SLC35E4: variants seen among roughly 807,000 people sequenced by gnomAD.
The protein encoded by SLC35E4 is solute carrier family 35 member E4.
SLC35E4 carries 15 observed loss-of-function variants against 19.3 expected under a neutral mutation model. The ratio of observed to expected loss-of-function variants is 0.78; its 90% CI spans 0.52 to 1.20. The LOEUF is 1.20. Ranked by LOEUF, SLC35E4 falls within the 50% of genes most tolerant of loss-of-function variation. The pLI is 0.00. For missense variants in SLC35E4, 406 were observed against 472.3 expected, an observed-to-expected ratio of 0.86 and a Z score of 1.30; for synonymous variants, 219 against 219.9, an observed-to-expected ratio of 1.00 and a Z score of 0.04.
At position 30,636,867 on chromosome 22, in the gene SLC35E4, T is replaced by A; in HGVS notation, c.417T>A (p.Val139=). 1 of 1,612,996 alleles carries A rather than the reference T, an allele frequency of 6.2e-7. No homozygotes were observed. Among genetic ancestry groups the A allele is most frequent in the Non-Finnish European group, 8.5e-7 (1 of 1,179,618 alleles). The change falls in exon 1 of 2, where the codon GTT becomes GTA. Residue 139 remains valine, a synonymous_variant. Transcript: ENST00000343605. The part of the protein sequence containing the change: ...RAVPLDLAQL[V]TTTTPLFTLA... ...TGCCCCTGGACCTGGCACAACTGGT[T>A]ACTACCACCACACCTCTGTTCACCC...
At position 30,646,973 on chromosome 22, in the gene SLC35E4, C is replaced by G. The variant is rs1382939300; in HGVS notation, c.995C>G (p.Ala332Gly). The G allele has an allele frequency of 5.0e-6, 8 of 1,613,708 alleles. No individual in the cohort carries two copies. Among genetic ancestry groups the G allele is most frequent in the Non-Finnish European group, 5.1e-6 (6 of 1,179,940 alleles). The change falls in exon 2 of 2, where the codon GCC becomes GGC. Residue 332 changes from alanine (A) to glycine (G), a missense_variant. Physicochemically the swap from Ala to Gly is moderately conservative, Grantham distance 60. Transcript: ENST00000343605. ...CTTTACCACAACTGCGAGTTCGTGG[C>G]CTCCTGGGCTGCCCGTCGGGGGCTG... Reference protein sequence around the residue: ...MFLYHNCEFVASWAARRGLWR... With the variant: ...MFLYHNCEFVGSWAARRGLWR...
At chr22:30,654,237 G>GCCTCCC in intron 2 of SLC35E4, 1 of 365,924 alleles carries the variant, frequency 2.7e-6, no homozygotes, top group Non-Finnish European at 5.4e-6. Flanking sequence ...GCCCGCCTCC[G>GCCTCCC]CCTCCCAAAG....
chr22:30,664,047 C>CAGCCTTCG, downstream of SLC35E4: 1 of 1,528,710 alleles, frequency 6.5e-7, no homozygotes, highest in Non-Finnish European at 8.9e-7. Flanking sequence ...AGCACGAAGG[C>CAGCCTTCG]TGCGTCTTTC....
downstream of SLC35E4, among the ~76,000 whole-genome samples, chr22:30,665,303 G>A (rs2088608746): frequency 6.6e-6 from 1 of 152,218 alleles, no homozygotes; most frequent in African/African-American, 2.4e-5. Context: ...GAGCCACTTA[G>A]TTTGGCTGTC....
intron 1 of SLC35E4, among the ~76,000 whole-genome samples, chr22:30,641,358 G>C (rs1242198147): frequency 6.6e-6 from 1 of 152,126 alleles, no homozygotes; most frequent in African/African-American, 2.4e-5. Context: ...GGGAGGTTGA[G>C]TCCTTGCTCT....
intron 1 of SLC35E4, among the ~76,000 whole-genome samples, chr22:30,637,867 A>G (rs995089298): frequency 3.3e-5 from 5 of 152,218 alleles, no homozygotes; most frequent in Non-Finnish European, 7.3e-5. Flanking sequence ...AAAGCCAGAA[A>G]GCATGGGCCA....
At chr22:30,649,072 G>C (rs925689666), downstream of SLC35E4, 5 of 672,776 alleles carry the variant, frequency 7.4e-6, no homozygotes, top group Non-Finnish European at 1.4e-5. Flanking sequence ...GAGATCACCT[G>C]TTAAAGATGA....
intron 2 of SLC35E4, chr22:30,661,444 C>CTTTTTTTTTTTTTT (rs56242112): frequency 4.4e-5 from 6 of 136,476 alleles, no homozygotes; most frequent in Non-Finnish European, 6.2e-5. Context: ...TTTTCTTTTT[C>CTTTTTTTTTTTTTT]TTTTTTTTTT....
chr22:30,665,419 G>A, downstream of SLC35E4: 1 of 424,372 alleles, frequency 2.4e-6, no homozygotes. Context: ...GTTCCTTAGG[G>A]ACAACCTGTC....
At chr22:30,637,639 C>A (rs2087972853) in intron 1 of SLC35E4, among the ~76,000 whole-genome samples, 1 of 152,158 alleles carries the variant, frequency 6.6e-6, no homozygotes, top group African/African-American at 2.4e-5. Context: ...ATCTTCCCCC[C>A]TCAGCTTCCT....
Position 30,636,742 on chromosome 22 carries a change from G to T in SLC35E4, c.292G>T (p.Ala98Ser), listed in dbSNP as rs761984302. 13 of 1,611,962 alleles carry T rather than the reference G, an allele frequency of 8.1e-6. No individual in the cohort carries two copies. The highest frequency in any genetic ancestry group is 1.1e-5 in the Non-Finnish European group (13 of 1,179,396). Residue 98 changes from alanine to serine, a missense_variant, in exon 1 of 2, where the codon GCA becomes TCA. Transcript: ENST00000343605. The part of the protein sequence containing the change: ...LVAALACHRG[A>S]RRPMPGGTRC... ...GGCAGCCCTGGCATGCCACCGGGGGGCACGGCGCCCCATGCCAGGCGGCAC... is the reference window on the plus strand; with the variant it reads ...GGCAGCCCTGGCATGCCACCGGGGGTCACGGCGCCCCATGCCAGGCGGCAC...
chr22:30,666,527 C>T (rs9621062), downstream of SLC35E4, among the ~76,000 whole-genome samples: 11,051 of 143,124 alleles, frequency 0.077, 823 homozygotes, highest in African/African-American at 0.2. Context: ...GAGGCTGAGA[C>T]GGGAGAATTG....
chr22:30,668,498 C>T (rs1277855394), exon 3 of SLC35E4: 1 of 152,672 alleles, frequency 6.5e-6, no homozygotes. Flanking sequence ...GGAACTCCCT[C>T]GCCTGGACTC....
chr22:30,647,026 C>A lies in SLC35E4; in HGVS notation c.1048C>A (p.Leu350Ile), dbSNP rs536993715. Reference protein sequence around the residue: ...LWRRDQPSKGL With the variant: ...LWRRDQPSKGI ...GCGGAGGGACCAGCCCAGCAAGGGTCTTTGAGACCTGGGGGATCTCAGGAG... is the reference window on the plus strand; with the variant it reads ...GCGGAGGGACCAGCCCAGCAAGGGTATTTGAGACCTGGGGGATCTCAGGAG... The change falls in exon 2 of 2, where the codon CTT becomes ATT. Residue 350 changes from leucine to isoleucine, a missense_variant. Physicochemically the swap from Leu to Ile is conservative, Grantham distance 5. Coordinates refer to ENST00000343605, the MANE Select transcript of SLC35E4 (RefSeq NM_001001479.4). The A allele has an allele frequency of 1.0e-4, 167 of 1,595,196 alleles. 2 individuals carry two copies. The South Asian group carries it at 1.8e-3, about 17-fold the overall frequency.
intron 1 of SLC35E4, 53 bp downstream of exon 1, chr22:30,637,122 C>T: frequency 6.6e-7 from 1 of 1,518,616 alleles, no homozygotes; most frequent in South Asian, 1.3e-5. Flanking sequence ...GGGTGCATGG[C>T]CTGGATGGCC....
chr22:30,647,151 A>G lies in SLC35E4; in HGVS notation c.*120A>G, dbSNP rs1936380092. The G allele has an allele frequency of 8.0e-7, 1 of 1,246,176 alleles. No individual in the cohort carries two copies. Among genetic ancestry groups the G allele is most frequent in the South Asian group, 1.6e-5 (1 of 63,978 alleles). 77.2% of individuals were successfully genotyped at this position (1,246,176 alleles called of 1,614,324 possible). A position where few individuals can be genotyped will look rare whatever the true frequency, so the allele number is the denominator to read the frequency against. On this transcript the variant is annotated 3_prime_UTR_variant, in exon 2 of 2. Coordinates refer to ENST00000343605, the MANE Select transcript of SLC35E4 (RefSeq NM_001001479.4). ...GGTGGCTCACGCCTATAATCCCAGCACTTCCAGAGTCCGAGGTGGGTGGAT... is the reference window on the plus strand; with the variant it reads ...GGTGGCTCACGCCTATAATCCCAGCGCTTCCAGAGTCCGAGGTGGGTGGAT...
downstream of SLC35E4, chr22:30,666,872 A>G (rs993874363): frequency 1.3e-5 from 2 of 152,164 alleles, no homozygotes; most frequent in African/African-American, 2.4e-5. Context: ...GGCTTGGCAT[A>G]GAGTAAGCCC....
chr22:30,650,642 C>T (rs1434037350), downstream of SLC35E4, among the ~76,000 whole-genome samples: 1 of 152,178 alleles, frequency 6.6e-6, no homozygotes, highest in Non-Finnish European at 1.5e-5. Flanking sequence ...AGCAGTGGAA[C>T]CTAATCCCCC....
chr22:30,663,874 T>A (rs1326794369), downstream of SLC35E4: 1 of 1,614,214 alleles, frequency 6.2e-7, no homozygotes, highest in Non-Finnish European at 8.5e-7. Flanking sequence ...GTGATCTGGT[T>A]GCTAGACAGC....
Sources: gnomAD v4.1 joint callset for allele counts (sites outside exome capture counted in the v4.1 genomes callset) on GRCh38, gnomAD v4.1.1 for gene constraint, MANE v1.5 for transcripts, NCBI Gene and HGNC (gene_info 2026-07-23, HGNC 2026-07-21) for gene names.